The following RNFT2 variants were observed in gnomAD, a reference collection of about 807,000 sequenced individuals.
RNFT2 encodes the protein ring finger protein, transmembrane 2.
RNFT2 carries 36 observed loss-of-function variants against 53.0 expected under a neutral mutation model. That is an observed-to-expected ratio of 0.68 (90% CI 0.52 to 0.90). RNFT2 has a LOEUF of 0.90. Among genes scored for constraint, RNFT2 ranks in the 40% least tolerant of loss-of-function variants. RNFT2 has a pLI of 0.00. For missense variants in RNFT2, 514 were observed against 585.6 expected (o/e 0.88, Z 1.26); for synonymous variants, 260 against 253.2 (o/e 1.03, Z -0.26).
At chr12:116,821,501 A>G (rs1240170884) in intron 7 of RNFT2, among the ~76,000 whole-genome samples, 2 of 152,186 alleles carry the variant, frequency 1.3e-5, no homozygotes, top group Non-Finnish European at 2.9e-5. Context: ...CCACCTTCCC[A>G]GGACAACATG....
intron 7 of RNFT2, chr12:116,801,475 C>G (rs1307098694): frequency 6.6e-6 from 1 of 152,220 alleles, no homozygotes; most frequent in Non-Finnish European, 1.5e-5. Context: ...GAAGTTCTAG[C>G]TCCTTCTGCC....
At chr12:116,756,543 G>T (rs995357435) in intron 5 of RNFT2, among the ~76,000 whole-genome samples, 11 of 152,080 alleles carry the variant, frequency 7.2e-5, no homozygotes, top group African/African-American at 2.7e-4. Context: ...ATAAAGGGAT[G>T]CTGGATTTTG....
At chr12:116,791,242 T>A (rs983127539) in intron 7 of RNFT2, among the ~76,000 whole-genome samples, 2 of 152,258 alleles carry the variant, frequency 1.3e-5, no homozygotes, top group African/African-American at 2.4e-5. Flanking sequence ...GCCTTTTGTG[T>A]CTGGCTTCTC....
chr12:116,740,605 C>T, intron 2 of RNFT2, 84 bp downstream of exon 2: 1 of 1,213,336 alleles, frequency 8.2e-7, no homozygotes, highest in Non-Finnish European at 1.2e-6. Context: ...TTTGACCACT[C>T]CACCCCTCCC....
chr12:116,754,080 A>C lies in RNFT2; in HGVS notation c.627+20A>C. ...CTGAAGGTGAGTCACTTTCCGACCT[A>C]GTCTCCTGTGGCTGCTGCAACAAAT... On this transcript the variant is annotated intron_variant, in intron 5 of 10. Coordinates refer to ENST00000257575, the MANE Select transcript of RNFT2 (RefSeq NM_001382266.1). 6.2e-7 allele frequency: 1 copy of C among 1,602,372 alleles called. No homozygotes were observed. Among genetic ancestry groups the C allele is most frequent in the Non-Finnish European group, 8.5e-7 (1 of 1,169,880 alleles).
chr12:116,806,510 C>G (rs935283882), intron 7 of RNFT2, among the ~76,000 whole-genome samples: 1 of 151,558 alleles, frequency 6.6e-6, no homozygotes, highest in African/African-American at 2.4e-5. Context: ...CATCTATAAT[C>G]CTAGCAGTTT....
At chr12:116,825,777 C>T (rs569734886) in intron 7 of RNFT2, among the ~76,000 whole-genome samples, 1 of 152,002 alleles carries the variant, frequency 6.6e-6, no homozygotes, top group Non-Finnish European at 1.5e-5. Context: ...GTATTCAACC[C>T]CATTTACAGA....
intron 7 of RNFT2, among the ~76,000 whole-genome samples, chr12:116,793,296 T>C (rs1341310191): frequency 1.4e-5 from 2 of 143,984 alleles, no homozygotes; most frequent in Non-Finnish European, 3.0e-5. Context: ...AACCTTGACC[T>C]CCTGGACTCC....
At position 116,851,958 on chromosome 12, in the gene RNFT2, C is replaced by G; in HGVS notation, c.*2510C>G. ...CCCCTCTGGTAGCCTTCAGAGCAAA[C>G]AGGACAACCTATGTTATGGATGTTT... On this transcript the variant is annotated 3_prime_UTR_variant, in exon 11 of 11. Coordinates refer to ENST00000257575, the MANE Select transcript of RNFT2 (RefSeq NM_001382266.1). The G allele has an allele frequency of 6.6e-7, 1 of 1,521,602 alleles. No individual in the cohort carries two copies. The highest frequency in any genetic ancestry group is 8.8e-7 in the Non-Finnish European group (1 of 1,141,182). 94.3% of individuals were successfully genotyped at this position (1,521,602 alleles called of 1,614,324 possible).
intron 3 of RNFT2, among the ~76,000 whole-genome samples, chr12:116,744,380 T>G (rs1871798747): frequency 6.6e-6 from 1 of 152,158 alleles, no homozygotes; most frequent in African/African-American, 2.4e-5. Flanking sequence ...TGAGATCTCT[T>G]GCGGGCAGAG....
intron 7 of RNFT2, among the ~76,000 whole-genome samples, chr12:116,818,902 CAAG>C (rs1182473054): frequency 6.6e-6 from 1 of 152,202 alleles, no homozygotes; most frequent in African/African-American, 2.4e-5. Flanking sequence ...TACACCAGAG[CAAG>C]GAGGAACTGG....
At chr12:116,750,886 TATATAATATATA>T (rs1566069518) in intron 4 of RNFT2, among the ~76,000 whole-genome samples, 110 of 4,594 alleles carry the variant, frequency 0.024, 2 homozygotes, top group African/African-American at 0.03. Flanking sequence ...ATATATTATA[TATATAATATATA>T]TATATATATA....
At chr12:116,829,999 A>G (rs1876556796) in intron 7 of RNFT2, among the ~76,000 whole-genome samples, 1 of 152,022 alleles carries the variant, frequency 6.6e-6, no homozygotes, top group South Asian at 2.1e-4. Context: ...TTCCATTTGG[A>G]ACAATAATAT....
At chr12:116,788,232 T>C (rs1168798323) in intron 7 of RNFT2, among the ~76,000 whole-genome samples, 1 of 152,216 alleles carries the variant, frequency 6.6e-6, no homozygotes, top group African/African-American at 2.4e-5. Flanking sequence ...CAGCCTCTTT[T>C]GCTCCTTTAT....
At chr12:116,839,127 C>G (rs1877121162) in intron 10 of RNFT2, among the ~76,000 whole-genome samples, 1 of 152,180 alleles carries the variant, frequency 6.6e-6, no homozygotes, top group Non-Finnish European at 1.5e-5. Flanking sequence ...TCATAGATGC[C>G]TGTGTTTTTC....
At position 116,763,774 on chromosome 12, in the gene RNFT2, A is replaced by G. The variant is rs534107653; in HGVS notation, c.628-3040A>G. Among the ~76,000 whole-genome samples the G allele has an allele frequency of 5.4e-4, 77 of 141,384 alleles. 1 individual carries two copies. The highest frequency in any genetic ancestry group is 2.7e-3 in the East Asian group (12 of 4,432). The allele number at this position is 141,384 out of a possible 152,430, so 92.8% of individuals were successfully genotyped here. ...AGCCTGGGTGACAGAGCGAGACTCC[A>G]TCTCAAAAAAAAAAGGGGGCGGGGG... On this transcript the variant is annotated intron_variant, in intron 5 of 10. Transcript: ENST00000257575.
chr12:116,789,772 A>ATGGATGGGTAAATGGAAGGAGAG (rs1874137913), intron 7 of RNFT2, among the ~76,000 whole-genome samples: 1 of 132,940 alleles, frequency 7.5e-6, no homozygotes, highest in East Asian at 2.7e-4. Flanking sequence ...GAGTGGATGG[A>ATGGATGGGTAAATGGAAGGAGAG]TGGATGGGTA....
chr12:116,812,226 A>AT (rs1331026144), intron 7 of RNFT2, among the ~76,000 whole-genome samples: 1 of 152,172 alleles, frequency 6.6e-6, no homozygotes. Context: ...ACACAGACTT[A>AT]TTCCCTGCTG....
chr12:116,768,343 C>T (rs903636465), intron 6 of RNFT2, among the ~76,000 whole-genome samples: 5 of 151,824 alleles, frequency 3.3e-5, no homozygotes, highest in South Asian at 2.1e-4. Flanking sequence ...TCAGGTGATC[C>T]GCCGGCCTTG....
Sources: allele counts gnomAD v4.1 joint callset (sites outside exome capture counted in the v4.1 genomes callset), GRCh38; gene constraint gnomAD v4.1.1; transcripts MANE v1.5; gene names NCBI Gene and HGNC (gene_info 2026-07-23, HGNC 2026-07-21).